ELMO1: variants seen among roughly 807,000 people sequenced by gnomAD.
ELMO1 encodes the protein engulfment and cell motility 1.
A neutral mutation model predicts 98.9 loss-of-function variants in ELMO1; 26 were observed. The observed-to-expected ratio is 0.26, with a 90% CI of 0.19 to 0.36. The LOEUF is 0.36. Among genes scored for constraint, ELMO1 ranks in the 10% least tolerant of loss-of-function variants. The probability of loss-of-function intolerance (pLI) is 1.00; values close to 1 mark genes in which losing one functional copy is unlikely to be tolerated. For synonymous variants in ELMO1, 346 were observed against 346.0 expected (o/e 1.00, Z 0.00); for missense variants, 627 against 935.2 (o/e 0.67, Z 4.30).
intron 1 of ELMO1, among the ~76,000 whole-genome samples, chr7:37,446,717 C>G (rs1241964592): frequency 6.6e-6 from 1 of 152,130 alleles, no homozygotes; most frequent in African/African-American, 2.4e-5. Flanking sequence ...CCGAGCCTGC[C>G]CCTCCCTGAT....
At chr7:36,896,745 T>G (rs1806034817) in intron 16 of ELMO1, among the ~76,000 whole-genome samples, 1 of 152,146 alleles carries the variant, frequency 6.6e-6, no homozygotes, top group Admixed American at 6.5e-5. Context: ...GAAATTGTGA[T>G]CATCTTACAT....
chr7:37,404,925 A>T (rs1378558138), intron 1 of ELMO1, among the ~76,000 whole-genome samples: 1 of 152,066 alleles, frequency 6.6e-6, no homozygotes, highest in Non-Finnish European at 1.5e-5. Flanking sequence ...CCCCATTTTT[A>T]ATTTTTTTCT....
chr7:37,121,781 C>A (rs562370157), intron 14 of ELMO1, among the ~76,000 whole-genome samples: 1 of 152,110 alleles, frequency 6.6e-6, no homozygotes, highest in Non-Finnish European at 1.5e-5. Context: ...GAGAACGCCA[C>A]AAAGATACTC....
At chr7:36,859,838 AT>A (rs1328269146) in intron 21 of ELMO1, among the ~76,000 whole-genome samples, 1 of 151,874 alleles carries the variant, frequency 6.6e-6, no homozygotes, top group Non-Finnish European at 1.5e-5. Context: ...TTATACATGG[AT>A]TTTTTTCTTC....
intron 16 of ELMO1, among the ~76,000 whole-genome samples, chr7:36,921,200 C>CCGTCTAAG (rs1785126694): frequency 6.6e-6 from 1 of 152,176 alleles, no homozygotes; most frequent in African/African-American, 2.4e-5. Flanking sequence ...ACAAATTACC[C>CCGTCTAAG]CGTCTAAGGT....
chr7:37,272,280 C>G (rs1796602785), intron 4 of ELMO1, among the ~76,000 whole-genome samples: 1 of 152,068 alleles, frequency 6.6e-6, no homozygotes, highest in South Asian at 2.1e-4. Context: ...TCTATAATAG[C>G]CAAAACGTAG....
chr7:37,158,022 T>C (rs201126699), intron 13 of ELMO1, among the ~76,000 whole-genome samples: 113 of 147,286 alleles, frequency 7.7e-4, no homozygotes, highest in South Asian at 1.1e-3. Flanking sequence ...CCATCTGATC[T>C]TTGACAAACC....
intron 13 of ELMO1, among the ~76,000 whole-genome samples, chr7:37,158,486 G>T (rs1035846258): frequency 6.6e-6 from 1 of 152,144 alleles, no homozygotes; most frequent in African/African-American, 2.4e-5. Context: ...ATCAAAAAAT[G>T]GGCAAAGGAT....
At chr7:37,232,596 T>G (rs1794236136) in intron 8 of ELMO1, among the ~76,000 whole-genome samples, 1 of 152,210 alleles carries the variant, frequency 6.6e-6, no homozygotes. Context: ...GTCTGAGATA[T>G]TCCTTGCACC....
At chr7:37,256,304 G>A (rs143705308) in intron 6 of ELMO1, among the ~76,000 whole-genome samples, 26 of 151,924 alleles carry the variant, frequency 1.7e-4, no homozygotes, top group African/African-American at 6.3e-4. Context: ...ACCCTTTCCC[G>A]ATCACCCAGG....
intron 17 of ELMO1, among the ~76,000 whole-genome samples, chr7:36,891,486 C>G (rs556141473): frequency 1.3e-5 from 2 of 152,154 alleles, no homozygotes. Context: ...CCATGGATTT[C>G]TATTGTCCTT....
chr7:36,951,543 A>T (rs1189591967), intron 16 of ELMO1, among the ~76,000 whole-genome samples: 1 of 152,122 alleles, frequency 6.6e-6, no homozygotes, highest in Non-Finnish European at 1.5e-5. Flanking sequence ...GGGCTCATTA[A>T]ACACAGACTG....
intron 4 of ELMO1, among the ~76,000 whole-genome samples, chr7:37,304,323 C>T (rs1798491393): frequency 6.6e-6 from 1 of 152,072 alleles, no homozygotes; most frequent in East Asian, 1.9e-4. Context: ...TAGGGGAAGT[C>T]AGGACAATCT....
chr7:37,018,944 T>A (rs939224999), intron 15 of ELMO1, among the ~76,000 whole-genome samples: 1 of 152,020 alleles, frequency 6.6e-6, no homozygotes, highest in Non-Finnish European at 1.5e-5. Context: ...TAGGGTCCCA[T>A]AGATAAGCGG....
chr7:37,086,468 C>T (rs1269581837), intron 15 of ELMO1, among the ~76,000 whole-genome samples: 14 of 151,658 alleles, frequency 9.2e-5, no homozygotes, highest in Non-Finnish European at 1.5e-4. Context: ...TTTGGCCAGG[C>T]GCAGTGGCTC....
chr7:37,099,979 G>A (rs1784558266), intron 14 of ELMO1, among the ~76,000 whole-genome samples: 1 of 152,030 alleles, frequency 6.6e-6, no homozygotes, highest in Admixed American at 6.6e-5. Context: ...AATTACAAGA[G>A]CCCACCACCA....
At position 36,894,562 on chromosome 7, in the gene ELMO1, A is replaced by G. The variant is rs115337335; in HGVS notation, c.1601+292T>C. Among the ~76,000 whole-genome samples the G allele has an allele frequency of 9.6e-3, 1,466 of 152,326 alleles. 22 individuals carry two copies. Among genetic ancestry groups the G allele is most frequent in the African/African-American group, 0.033 (1,378 of 41,562 alleles). ...GTCAAAGAGAAAAAAAATTGTTCCA[A>G]GTGTTGGAAAAGGTCCAAACTTTTA... On this transcript the variant is annotated intron_variant, in intron 17 of 21. Coordinates refer to ENST00000310758, the MANE Select transcript of ELMO1 (RefSeq NM_014800.11).
rs148263926 is a variant in ELMO1, at chr7:37,389,231, G to C, written c.-73-46468C>G. ...CTTTAATTCAGCACAACCCAAACCC[G>C]GCAATTCCTTTCATTTTGACTTTTC... On this transcript the variant is annotated intron_variant, in intron 1 of 21. Transcript: ENST00000310758. 1.2e-3 allele frequency among the ~76,000 whole-genome samples: 189 copies of C among 152,224 alleles called. 2 individuals are homozygous for C. Among genetic ancestry groups the C allele is most frequent in the African/African-American group, 4.3e-3 (178 of 41,524 alleles).
At chr7:36,966,381 C>T (rs1296153285) in intron 16 of ELMO1, among the ~76,000 whole-genome samples, 2 of 152,140 alleles carry the variant, frequency 1.3e-5, no homozygotes, top group African/African-American at 4.8e-5. Flanking sequence ...AATATTAAGA[C>T]CACGGGTTTT....
Sources: allele counts gnomAD v4.1 joint callset (sites outside exome capture counted in the v4.1 genomes callset), GRCh38; gene constraint gnomAD v4.1.1; transcripts MANE v1.5; gene names NCBI Gene and HGNC (gene_info 2026-07-23, HGNC 2026-07-21).